The following FAT3 variants were observed in gnomAD, a reference collection of about 807,000 sequenced individuals.
The protein encoded by FAT3 is FAT atypical cadherin 3, also known as protocadherin Fat 3.
Under a neutral mutation model 310.2 loss-of-function variants are expected in FAT3, and 95 were observed. The ratio of observed to expected loss-of-function variants is 0.31; its 90% CI spans 0.26 to 0.36. The LOEUF is 0.36. Ranked by LOEUF, FAT3 falls within the 10% of genes least tolerant of loss-of-function variation. The pLI is 1.00. For missense variants in FAT3, 5,408 were observed against 5,715.6 expected, an observed-to-expected ratio of 0.95 and a Z score of 1.74; for synonymous variants, 2,314 against 2,192.9, an observed-to-expected ratio of 1.06 and a Z score of -1.54.
chr11:92,446,549 A>T (rs568795087), intron 2 of FAT3, among the ~76,000 whole-genome samples: 16 of 145,326 alleles, frequency 1.1e-4, no homozygotes, highest in South Asian at 4.3e-4. Flanking sequence ...GCTTCTCAAT[A>T]AAAAAAAAAA....
intron 3 of FAT3, among the ~76,000 whole-genome samples, chr11:92,617,845 G>C (rs555430612): frequency 2.3e-4 from 35 of 152,274 alleles, no homozygotes; most frequent in African/African-American, 7.7e-4. Flanking sequence ...TCCTCTGGAT[G>C]CTTCATCTCA....
At chr11:92,756,762 C>T (rs546070023) in intron 4 of FAT3, among the ~76,000 whole-genome samples, 1 of 152,138 alleles carries the variant, frequency 6.6e-6, no homozygotes, top group South Asian at 2.1e-4. Context: ...CTTCAAAATT[C>T]TCAGTGTCTG....
rs141835291 is a variant in FAT3, at chr11:92,285,746, G to T, written c.-18+60572G>T. 1.1e-4 allele frequency among the ~76,000 whole-genome samples: 17 copies of T among 152,238 alleles called. No individual in the cohort carries two copies. In the East Asian group the frequency reaches 2.3e-3, roughly 21 times the overall value. ...GTCCTGTTTTGTCTCATAAGAAGAG[G>T]CATTTGTATATTTTAAATTTGGTGC... On this transcript the variant is annotated intron_variant, in intron 1 of 27. Coordinates refer to ENST00000525166, the MANE Select transcript of FAT3 (RefSeq NM_001367949.2).
At chr11:92,630,545 G>C (rs1013186020) in intron 3 of FAT3, among the ~76,000 whole-genome samples, 14 of 152,152 alleles carry the variant, frequency 9.2e-5, no homozygotes, top group Admixed American at 7.9e-4. Context: ...CAAACTTGTT[G>C]TCTTCTCACT....
intron 3 of FAT3, among the ~76,000 whole-genome samples, chr11:92,624,034 A>C (rs1941212818): frequency 6.6e-6 from 1 of 152,254 alleles, no homozygotes; most frequent in South Asian, 2.1e-4. Context: ...ATACAAATAC[A>C]AATGGATACA....
At chr11:92,644,878 G>A (rs191430702) in intron 3 of FAT3, among the ~76,000 whole-genome samples, 2 of 152,206 alleles carry the variant, frequency 1.3e-5, no homozygotes, top group East Asian at 3.9e-4. Context: ...CTTCTCTTTT[G>A]CTGTGCAAAG....
Position 92,566,142 on chromosome 11 carries a change from G to A in FAT3, c.3607+41194G>A, listed in dbSNP as rs552504664. Among the ~76,000 whole-genome samples the A allele has an allele frequency of 9.9e-4, 150 of 152,280 alleles. 2 individuals carry two copies. The highest frequency in any genetic ancestry group is 3.5e-3 in the African/African-American group (145 of 41,562). ...GATTGTGTATCTAGAAAACCCCATTGTCTCAGTACAAAATCTCCTTAAGCT... is the reference window on the plus strand; with the variant it reads ...GATTGTGTATCTAGAAAACCCCATTATCTCAGTACAAAATCTCCTTAAGCT... On this transcript the variant is annotated intron_variant, in intron 3 of 27. Transcript: ENST00000525166.
intron 2 of FAT3, among the ~76,000 whole-genome samples, chr11:92,373,753 T>C (rs1949259329): frequency 6.9e-6 from 1 of 144,072 alleles, no homozygotes; most frequent in African/African-American, 2.6e-5. Context: ...CCAGTGGAGA[T>C]ATGTATGCAC....
In FAT3 at chr11:92,896,249, A is replaced by T. The variant is rs891002964; in HGVS notation, c.*5136A>T. On this transcript the variant is annotated 3_prime_UTR_variant, in exon 28 of 28. Transcript: ENST00000525166. The stretch of plus-strand genomic sequence containing the variant: ...AGAGTGGATTTTGTCCCTTAAGGAA[A>T]TGGATTGTTCCTGCATATATTGCTG... 6.6e-6 allele frequency: 1 copy of T among 151,626 alleles called. No individual in the cohort carries two copies. Among genetic ancestry groups the T allele is most frequent in the African/African-American group, 2.4e-5 (1 of 41,284 alleles). The allele number at this position is 151,626 out of a possible 1,614,324, so 9.4% of individuals were successfully genotyped here. A position where few individuals can be genotyped will look rare whatever the true frequency, so the allele number is the denominator to read the frequency against.
In FAT3 at chr11:92,799,380, C is replaced by T. The variant is rs1478611835; in HGVS notation, c.6367C>T (p.Leu2123=). 1 of 1,613,766 alleles carries T rather than the reference C, an allele frequency of 6.2e-7. No homozygotes were observed. Among genetic ancestry groups the T allele is most frequent in the Admixed American group, 1.7e-5 (1 of 59,996 alleles). Residue 2123 remains leucine, a synonymous_variant, in exon 10 of 28, where the codon CTG becomes TTG. Coordinates refer to ENST00000525166, the MANE Select transcript of FAT3 (RefSeq NM_001367949.2). ...TCCAAATGGAGAAGTGACCTATGTC[C>T]TGCAGGATGACTATGGCCACTTTGA... ...KGPNGEVTYV[L]QDDYGHFEIN... is the part of the protein sequence containing the mutation.
At chr11:92,666,783 C>G (rs1251316977) in intron 3 of FAT3, among the ~76,000 whole-genome samples, 1 of 152,078 alleles carries the variant, frequency 6.6e-6, no homozygotes, top group African/African-American at 2.4e-5. Flanking sequence ...GAGAGCTGAG[C>G]TATAGTCCAG....
intron 13 of FAT3, among the ~76,000 whole-genome samples, chr11:92,815,411 A>C (rs970049554): frequency 1.3e-5 from 2 of 152,026 alleles, no homozygotes; most frequent in African/African-American, 2.4e-5. Context: ...GTCTCTACTA[A>C]AAATACAAAA....
intron 3 of FAT3, among the ~76,000 whole-genome samples, chr11:92,548,268 G>A (rs1954683004): frequency 6.6e-6 from 1 of 152,074 alleles, no homozygotes; most frequent in African/African-American, 2.4e-5. Context: ...ATTTTATACT[G>A]TCGTATCAAG....
intron 2 of FAT3, among the ~76,000 whole-genome samples, chr11:92,497,895 G>A (rs754268115): frequency 1.3e-5 from 2 of 151,970 alleles, no homozygotes; most frequent in African/African-American, 4.8e-5. Context: ...AGCGAAACAG[G>A]CATAAACACA....
chr11:92,248,260 A>G (rs1865004539), intron 1 of FAT3, among the ~76,000 whole-genome samples: 1 of 152,224 alleles, frequency 6.6e-6, no homozygotes, highest in East Asian at 1.9e-4. Flanking sequence ...TCATACTCTC[A>G]TGTATCAGTT....
At chr11:92,509,770 A>C (rs1953231598) in intron 2 of FAT3, among the ~76,000 whole-genome samples, 1 of 152,208 alleles carries the variant, frequency 6.6e-6, no homozygotes, top group Non-Finnish European at 1.5e-5. Context: ...AAATAAAACT[A>C]CAGATAAATA....
chr11:92,644,807 G>A (rs1027786608), intron 3 of FAT3, among the ~76,000 whole-genome samples: 1 of 152,144 alleles, frequency 6.6e-6, no homozygotes, highest in Non-Finnish European at 1.5e-5. Context: ...CTGCCACATC[G>A]CATCTCACAG....
chr11:92,775,693 A>G (rs949631096), intron 7 of FAT3, among the ~76,000 whole-genome samples: 4 of 152,240 alleles, frequency 2.6e-5, no homozygotes, highest in Non-Finnish European at 4.4e-5. Flanking sequence ...AGCAAAATGA[A>G]ATGCAAAGAA....
intron 2 of FAT3, among the ~76,000 whole-genome samples, chr11:92,376,317 C>T (rs892405431): frequency 6.6e-6 from 1 of 152,142 alleles, no homozygotes; most frequent in African/African-American, 2.4e-5. Flanking sequence ...GCTGTGAGGT[C>T]AAGTTTCTAG....
Sources: allele counts gnomAD v4.1 joint callset (sites outside exome capture counted in the v4.1 genomes callset), GRCh38; gene constraint gnomAD v4.1.1; transcripts MANE v1.5; gene names NCBI Gene and HGNC (gene_info 2026-07-23, HGNC 2026-07-21).